GRM5: variants seen among roughly 807,000 people sequenced by gnomAD.
GRM5 encodes glutamate metabotropic receptor 5.
GRM5 carries 19 observed loss-of-function variants against 83.1 expected under a neutral mutation model. The ratio of observed to expected loss-of-function variants is 0.23; its 90% CI spans 0.16 to 0.34. The LOEUF is 0.34. GRM5 is among the 10% of genes least tolerant of loss of function. The pLI, the probability that GRM5 is intolerant of heterozygous loss-of-function variation, is 1.00. For synonymous variants in GRM5, 675 were observed against 633.6 expected (o/e 1.07, Z -0.98); for missense variants, 1,160 against 1,588.3 (o/e 0.73, Z 4.58).
At chr11:88,633,485 T>C (rs972787305) in intron 4 of GRM5, among the ~76,000 whole-genome samples, 2 of 152,116 alleles carry the variant, frequency 1.3e-5, no homozygotes, top group African/African-American at 2.4e-5. Context: ...TAGTTTTAGG[T>C]TTCACATTTA....
chr11:88,694,801 T>G (rs745858232), intron 3 of GRM5, among the ~76,000 whole-genome samples: 1 of 152,182 alleles, frequency 6.6e-6, no homozygotes, highest in Non-Finnish European at 1.5e-5. Flanking sequence ...AGTATCACAT[T>G]AGGTTATTGA....
intron 3 of GRM5, among the ~76,000 whole-genome samples, chr11:88,707,345 G>T (rs1941184945): frequency 6.6e-6 from 1 of 152,084 alleles, no homozygotes; most frequent in African/African-American, 2.4e-5. Flanking sequence ...AATGGATAGT[G>T]TCACTGTAAA....
intron 2 of GRM5, among the ~76,000 whole-genome samples, chr11:88,956,996 T>C (rs1280274573): frequency 6.6e-6 from 1 of 152,190 alleles, no homozygotes; most frequent in Non-Finnish European, 1.5e-5. Context: ...TTGTTTGTAA[T>C]TTAATAAATT....
intron 3 of GRM5, among the ~76,000 whole-genome samples, chr11:88,813,966 C>A (rs796283295): frequency 6.6e-6 from 1 of 151,302 alleles, no homozygotes; most frequent in African/African-American, 2.4e-5. Flanking sequence ...TAAAAAAAAA[C>A]AAGACTTAGC....
At chr11:88,540,539 G>T (rs1279359790) in intron 8 of GRM5, among the ~76,000 whole-genome samples, 1 of 152,038 alleles carries the variant, frequency 6.6e-6, no homozygotes, top group South Asian at 2.1e-4. Context: ...ATGACACCCA[G>T]GGAGAGAGAA....
chr11:89,023,782 G>A (rs1225210447), intron 2 of GRM5, among the ~76,000 whole-genome samples: 3 of 150,824 alleles, frequency 2.0e-5, no homozygotes, highest in African/African-American at 4.9e-5. Context: ...CCCAGGAGGC[G>A]GAGGTTGCAG....
chr11:88,810,450 C>T (rs1205903081), intron 3 of GRM5, among the ~76,000 whole-genome samples: 1 of 151,946 alleles, frequency 6.6e-6, no homozygotes, highest in African/African-American at 2.4e-5. Context: ...GAAGAAACAG[C>T]TGAGAAAAAA....
intron 3 of GRM5, among the ~76,000 whole-genome samples, chr11:88,681,565 C>CCTTT (rs1309221208): frequency 7.9e-5 from 2 of 25,414 alleles, no homozygotes. Flanking sequence ...TGAGTTCTTC[C>CCTTT]TTTTTTTTTT....
intron 3 of GRM5, among the ~76,000 whole-genome samples, chr11:88,701,595 A>G (rs1050464998): frequency 5.9e-5 from 9 of 152,154 alleles, no homozygotes; most frequent in Middle Eastern, 3.2e-3. Flanking sequence ...AGCTATTTCT[A>G]GTACAGATAG....
chr11:88,597,554 C>T (rs539424431), intron 5 of GRM5, among the ~76,000 whole-genome samples: 6 of 152,172 alleles, frequency 3.9e-5, no homozygotes, highest in Admixed American at 1.3e-4. Context: ...TTCAAGCTTA[C>T]ACCTGAAATA....
chr11:88,629,380 C>T (rs1938895645), intron 4 of GRM5, among the ~76,000 whole-genome samples: 1 of 152,164 alleles, frequency 6.6e-6, no homozygotes, highest in South Asian at 2.1e-4. Context: ...CCTTACCTAT[C>T]CCACTTTATT....
intron 3 of GRM5, 118 bp downstream of exon 3, chr11:88,849,788 T>C: frequency 1.1e-6 from 1 of 944,880 alleles, no homozygotes; most frequent in Non-Finnish European, 1.6e-6. Flanking sequence ...ATTTAAGCTC[T>C]ATTTCCACTG....
At chr11:88,834,373 C>A (rs1411278673) in intron 3 of GRM5, among the ~76,000 whole-genome samples, 1 of 152,134 alleles carries the variant, frequency 6.6e-6, no homozygotes, top group Non-Finnish European at 1.5e-5. Flanking sequence ...TTGAGAGAAT[C>A]TCTATAAATC....
At chr11:88,595,753 T>C (rs899720356) in intron 6 of GRM5, among the ~76,000 whole-genome samples, 1 of 152,178 alleles carries the variant, frequency 6.6e-6, no homozygotes, top group Non-Finnish European at 1.5e-5. Context: ...CTTTGACCTT[T>C]CTCTTCCACT....
chr11:88,983,414 C>G (rs1255314402), intron 2 of GRM5, among the ~76,000 whole-genome samples: 1 of 152,142 alleles, frequency 6.6e-6, no homozygotes, highest in Admixed American at 6.5e-5. Flanking sequence ...ATCATATATG[C>G]AAAGGTGATC....
At chr11:88,776,988 CT>C (rs1156405188) in intron 3 of GRM5, among the ~76,000 whole-genome samples, 3 of 152,170 alleles carry the variant, frequency 2.0e-5, no homozygotes, top group Admixed American at 6.5e-5. Flanking sequence ...GTTGTCCTGC[CT>C]TGCTAGGTTG....
chr11:89,005,832 T>G (rs1011225998), intron 2 of GRM5, among the ~76,000 whole-genome samples: 1 of 152,184 alleles, frequency 6.6e-6, no homozygotes, highest in Admixed American at 6.5e-5. Context: ...TAATTTAAAT[T>G]TTGTTGCTCA....
Position 88,919,334 on chromosome 11 carries a change from T to A in GRM5, c.662-69179A>T, listed in dbSNP as rs193247789. Among the ~76,000 whole-genome samples the A allele has an allele frequency of 1.6e-3, 227 of 141,474 alleles. 1 individual carries two copies. The highest frequency in any genetic ancestry group is 5.5e-3 in the African/African-American group (217 of 39,706). 92.8% of individuals were successfully genotyped at this position (141,474 alleles called of 152,430 possible). On this transcript the variant is annotated intron_variant, in intron 2 of 9. Coordinates refer to ENST00000305447, the MANE Select transcript of GRM5 (RefSeq NM_001143831.3). The stretch of plus-strand genomic sequence containing the variant: ...ATTATATATTGATAAAGGGGTCAAT[T>A]CAGCAAGTGGATATAACAATTTTAA...
chr11:88,675,982 A>G (rs1368804873), intron 3 of GRM5, among the ~76,000 whole-genome samples: 4 of 152,036 alleles, frequency 2.6e-5, no homozygotes, highest in African/African-American at 7.2e-5. Context: ...TAAACATCCA[A>G]TGCTGGGAAC....
Sources: allele counts gnomAD v4.1 joint callset (sites outside exome capture counted in the v4.1 genomes callset), GRCh38; gene constraint gnomAD v4.1.1; transcripts MANE v1.5; gene names NCBI Gene and HGNC (gene_info 2026-07-23, HGNC 2026-07-21).